LYST: variants seen among roughly 807,000 people sequenced by gnomAD.
LYST encodes lysosomal-trafficking regulator.
A neutral mutation model predicts 413.6 loss-of-function variants in LYST; 192 were observed. That is an observed-to-expected ratio of 0.46 (90% CI 0.41 to 0.52). LYST has a LOEUF of 0.52. Ranked by LOEUF, LYST falls within the 20% of genes least tolerant of loss-of-function variation. The pLI is 0.00. For missense variants in LYST, 3,815 were observed against 4,499.9 expected (o/e 0.85, Z 4.35); for synonymous variants, 1,525 against 1,567.3 (o/e 0.97, Z 0.64).
intron 50 of LYST, among the ~76,000 whole-genome samples, chr1:235,673,123 T>A (rs1186231658): frequency 1.3e-5 from 2 of 152,140 alleles, no homozygotes; most frequent in Non-Finnish European, 2.9e-5. Context: ...TATACCCGAG[T>A]CAAGAAAGCA....
intron 12 of LYST, among the ~76,000 whole-genome samples, chr1:235,791,164 C>A (rs1171140520): frequency 6.6e-6 from 1 of 152,034 alleles, no homozygotes; most frequent in East Asian, 1.9e-4. Flanking sequence ...GCGCCTGAAT[C>A]CCAGCTATTC....
At chr1:235,802,183 G>T (rs571174562) in intron 8 of LYST, among the ~76,000 whole-genome samples, 143 of 100,094 alleles carry the variant, frequency 1.4e-3, no homozygotes, top group African/African-American at 5.9e-3. Flanking sequence ...GACAGAGCAA[G>T]ACTCCATTTC....
At chr1:235,755,080 CAAAAAAAAAAA>C (rs763926458) in intron 25 of LYST, among the ~76,000 whole-genome samples, 1 of 28,986 alleles carries the variant, frequency 3.4e-5, no homozygotes, top group South Asian at 2.2e-3. Flanking sequence ...GACATTGTCT[CAAAAAAAAAAA>C]AAAAAAAAAA....
chr1:235,820,303 T>C (rs1057386042), intron 3 of LYST, among the ~76,000 whole-genome samples: 3 of 152,120 alleles, frequency 2.0e-5, no homozygotes, highest in African/African-American at 4.8e-5. Context: ...GACTTCTGGA[T>C]GACATGATAA....
rs778121961 is a variant in LYST, at chr1:235,664,390, T to C, written c.11195+75A>G. ...AATACTGAATATTAATATGCCTAGA[T>C]ATTAAAAATTAATTTCTGAAACTCC... On this transcript the variant is annotated intron_variant, in intron 51 of 52. Coordinates refer to ENST00000389793, the MANE Select transcript of LYST (RefSeq NM_000081.4). This position sits in a 1 kb window ranked among gnomAD's most constrained non-coding sequence, Gnocchi z 4.5. The C allele has an allele frequency of 2.2e-5, 29 of 1,345,674 alleles. No homozygotes were observed. Among genetic ancestry groups the C allele is most frequent in the Non-Finnish European group, 3.1e-5 (29 of 942,218 alleles). 83.4% of individuals were successfully genotyped at this position (1,345,674 alleles called of 1,614,324 possible).
intron 42 of LYST, chr1:235,712,693 T>TC (rs1393929426): frequency 1.3e-4 from 131 of 985,258 alleles, no homozygotes; most frequent in Middle Eastern, 5.2e-4. Context: ...TTCTTTTTTT[T>TC]CGGGGGGGTG....
In LYST at chr1:235,777,216, T is replaced by C. The variant is rs1190524578; in HGVS notation, c.5307A>G (p.Gln1769=). The C allele has an allele frequency of 2.5e-6, 4 of 1,613,776 alleles. No individual in the cohort carries two copies. Among genetic ancestry groups the C allele is most frequent in the East Asian group, 2.2e-5 (1 of 44,790 alleles). The change falls in exon 17 of 53, where the codon CAA becomes CAG. Residue 1769 remains glutamine (Q), a synonymous_variant. Transcript: ENST00000389793. ...TTGAGCTGAAGGGTCTTTGAGAGAG[T>C]TGGGTTTTCATTTGACCTTTAAGTC... ...VIRLKGQMKT[Q]LSQRPFSSKE...
chr1:235,782,180 C>CTT (rs552690643), intron 14 of LYST, 93 bp from the exon 15 acceptor site: 993 of 818,098 alleles, frequency 1.2e-3, no homozygotes, highest in Non-Finnish European at 1.5e-3. Context: ...ATGGGGAATT[C>CTT]TTTTTTTTTT....
intron 4 of LYST, 77 bp from the exon 5 acceptor site, chr1:235,810,611 T>C (rs1199487534): frequency 7.5e-7 from 1 of 1,324,738 alleles, no homozygotes; most frequent in Non-Finnish European, 1.1e-6. Flanking sequence ...AGCCCTCTTA[T>C]TTATCTTAAA....
chr1:235,877,531 C>T (rs866681980), intron 1 of LYST, among the ~76,000 whole-genome samples: 4 of 152,066 alleles, frequency 2.6e-5, no homozygotes, highest in Non-Finnish European at 4.4e-5. Context: ...CTCTGCCTCC[C>T]GAGTAGCTGG....
At chr1:235,877,855 CAAAA>C (rs59783076) in intron 1 of LYST, among the ~76,000 whole-genome samples, 1 of 113,502 alleles carries the variant, frequency 8.8e-6, no homozygotes. Context: ...TATCTGCCAC[CAAAA>C]AAAAAAAAAA....
intron 45 of LYST, among the ~76,000 whole-genome samples, chr1:235,698,341 T>TA (rs1161394031): frequency 1.3e-5 from 2 of 152,188 alleles, no homozygotes; most frequent in East Asian, 3.8e-4. Flanking sequence ...GACTATCTTT[T>TA]AAAAAAATCG....
At chr1:235,799,824 A>G (rs1671997925) in intron 10 of LYST, among the ~76,000 whole-genome samples, 1 of 150,864 alleles carries the variant, frequency 6.6e-6, no homozygotes, top group Non-Finnish European at 1.5e-5. Context: ...CTCTATAAAC[A>G]TACTTGCACT....
chr1:235,806,470 A>G lies in LYST; in HGVS notation c.2666T>C (p.Val889Ala), dbSNP rs1332064062. Residue 889 changes from valine to alanine, a missense_variant, in exon 6 of 53, where the codon GTT (valine) becomes GCT (alanine). Coordinates refer to ENST00000389793, the MANE Select transcript of LYST (RefSeq NM_000081.4). ...KEAYPKRRKT[V>A]NQDVHINTIN... Reference sequence around the variant, plus strand: ...TGTGTTGATATGAACATCTTGGTTAACAGTCTTCCGTCTCTTTGGATAAGC... The same window carrying G: ...TGTGTTGATATGAACATCTTGGTTAGCAGTCTTCCGTCTCTTTGGATAAGC... 6.2e-7 allele frequency: 1 copy of G among 1,613,990 alleles called. No homozygotes were observed. Among genetic ancestry groups the G allele is most frequent in the African/African-American group, 1.3e-5 (1 of 74,910 alleles).
intron 2 of LYST, among the ~76,000 whole-genome samples, chr1:235,830,747 A>T (rs1436522039): frequency 2.0e-5 from 3 of 152,144 alleles, no homozygotes; most frequent in Admixed American, 2.0e-4. Flanking sequence ...AAATAAACCC[A>T]TTACTTATAA....
intron 5 of LYST, 35 bp downstream of exon 5, chr1:235,808,420 C>T (rs374695191): frequency 6.2e-7 from 1 of 1,600,616 alleles, no homozygotes; most frequent in African/African-American, 1.3e-5. Context: ...TGCTCAACAA[C>T]CCCCGCCCCC....
rs556374578 is a variant in LYST, at chr1:235,788,573, A to G, written c.4688+128T>C. ...GTGGTATTAATAGCTGTTAGAATGT[A>G]TATATTTTTAAATGAGACTTTTTGT... On this transcript the variant is annotated intron_variant, in intron 13 of 52. Coordinates refer to ENST00000389793, the MANE Select transcript of LYST (RefSeq NM_000081.4). 3.7e-4 allele frequency: 298 copies of G among 807,650 alleles called. 3 individuals are homozygous for G. In the East Asian group the frequency reaches 7.9e-3, roughly 22 times the overall value. 50.0% of individuals were successfully genotyped at this position (807,650 alleles called of 1,614,324 possible). A position where few individuals can be genotyped will look rare whatever the true frequency, so the allele number is the denominator to read the frequency against.
Position 235,751,101 on chromosome 1 carries a change from A to T in LYST, c.7780+109T>A. The T allele has an allele frequency of 3.5e-6, 4 of 1,146,774 alleles. No homozygotes were observed. In the South Asian group the frequency reaches 5.1e-5, roughly 15 times the overall value. The allele number at this position is 1,146,774 out of a possible 1,614,324, so 71.0% of individuals were successfully genotyped here. A position where few individuals can be genotyped will look rare whatever the true frequency, so the allele number is the denominator to read the frequency against. ...TTTCCTTCAGGAAAAAATCTTTCTTAAATTTTATGTAAAACAAGAAATATT... is the reference window on the plus strand; with the variant it reads ...TTTCCTTCAGGAAAAAATCTTTCTTTAATTTTATGTAAAACAAGAAATATT... On this transcript the variant is annotated intron_variant, in intron 28 of 52. Coordinates refer to ENST00000389793, the MANE Select transcript of LYST (RefSeq NM_000081.4).
intron 19 of LYST, 133 bp downstream of exon 19, chr1:235,773,709 G>A (rs1261370773): frequency 2.8e-6 from 2 of 714,186 alleles, no homozygotes; most frequent in Non-Finnish European, 4.9e-6. Context: ...GATGGATGGT[G>A]GTGATGGTTG....
Sources: allele counts gnomAD v4.1 joint callset (sites outside exome capture counted in the v4.1 genomes callset), GRCh38; gene constraint gnomAD v4.1.1; non-coding constraint Gnocchi (gnomAD v3.1); transcripts MANE v1.5; gene names NCBI Gene and HGNC (gene_info 2026-07-23, HGNC 2026-07-21).